The following TSHR variants were observed in gnomAD, a reference collection of about 807,000 sequenced individuals.
TSHR encodes the protein thyrotropin receptor.
A neutral mutation model predicts 64.1 loss-of-function variants in TSHR; 51 were observed. The ratio of observed to expected loss-of-function variants is 0.80; its 90% CI spans 0.64 to 1.01. The LOEUF is 1.01. TSHR is among the 50% of genes least tolerant of loss of function. The pLI, the probability that TSHR is intolerant of heterozygous loss-of-function variation, is 0.00. For synonymous variants in TSHR, 361 were observed against 361.9 expected (o/e 1.00, Z 0.03); for missense variants, 877 against 942.8 (o/e 0.93, Z 0.91).
chr14:81,113,484 G>A (rs999118739), intron 8 of TSHR, among the ~76,000 whole-genome samples: 3 of 152,126 alleles, frequency 2.0e-5, no homozygotes, highest in African/African-American at 7.2e-5. Context: ...GAATGTAGCT[G>A]GTGATGAGGG....
rs569401121 is a variant in TSHR, at chr14:81,059,420, G to A, written c.171-2728G>A. ...ACAAAATTTACACAAACTCAATTGT[G>A]TATTTTTTTAGATTATGCGCACATT... On this transcript the variant is annotated intron_variant, in intron 1 of 9. Coordinates refer to ENST00000298171, the MANE Select transcript of TSHR (RefSeq NM_000369.5). Among the ~76,000 whole-genome samples, 43 of 152,188 alleles carry A rather than the reference G, an allele frequency of 2.8e-4. No homozygotes were observed. The Middle Eastern group carries it at 0.017, about 60-fold the overall frequency.
intron 4 of TSHR, among the ~76,000 whole-genome samples, chr14:81,090,442 G>T (rs1336185550): frequency 6.6e-6 from 1 of 152,094 alleles, no homozygotes; most frequent in Admixed American, 6.6e-5. Context: ...ACAGGGTTTC[G>T]CCATGTTAGG....
At chr14:80,982,787 G>A in intron 1 of TSHR, 2 of 566,092 alleles carry the variant, frequency 3.5e-6, no homozygotes, top group East Asian at 3.3e-5. Flanking sequence ...GCCTGCCCTT[G>A]TAGGAACACT....
In TSHR at chr14:81,144,120, G is replaced by A. The variant is rs1891832775; in HGVS notation, c.2062G>A (p.Asp688Asn). The change falls in exon 10 of 10, where the codon GAT becomes AAT. Residue 688 changes from aspartate to asparagine, a missense_variant. Asp to Asn is a conservative substitution (Grantham distance 23). Transcript: ENST00000298171. Reference protein sequence around the residue: ...YAIFTKAFQRDVFILLSKFGI... With the variant: ...YAIFTKAFQRNVFILLSKFGI... Reference sequence around the variant, plus strand: ...TATTTTCACCAAGGCCTTCCAGAGGGATGTGTTCATCCTACTCAGCAAGTT... The same window carrying A: ...TATTTTCACCAAGGCCTTCCAGAGGAATGTGTTCATCCTACTCAGCAAGTT... The A allele has an allele frequency of 5.0e-6, 8 of 1,614,162 alleles. No individual in the cohort carries two copies. The highest frequency in any genetic ancestry group is 6.8e-6 in the Non-Finnish European group (8 of 1,180,038).
intron 1 of TSHR, among the ~76,000 whole-genome samples, chr14:80,974,506 G>C (rs965527590): frequency 5.3e-5 from 8 of 152,238 alleles, no homozygotes; most frequent in African/African-American, 1.9e-4. Context: ...TTAATGCTTG[G>C]TTGGCCTTAT....
intron 1 of TSHR, among the ~76,000 whole-genome samples, chr14:80,985,512 A>T (rs1316559832): frequency 6.6e-6 from 1 of 152,166 alleles, no homozygotes; most frequent in Non-Finnish European, 1.5e-5. Flanking sequence ...CTGCTGTGCC[A>T]ATCTACAAGA....
In TSHR at chr14:81,003,444, C is replaced by A. The variant is rs142508825; in HGVS notation, c.170+47594C>A. 2.7e-4 allele frequency: 50 copies of A among 186,238 alleles called. No individual in the cohort carries two copies. The East Asian group carries it at 6.3e-3, about 23-fold the overall frequency. 11.5% of individuals were successfully genotyped at this position (186,238 alleles called of 1,614,324 possible). On this transcript the variant is annotated intron_variant, in intron 1 of 9. Transcript: ENST00000298171. Reference sequence around the variant, plus strand: ...CCCCACCACTTGACCTGGGCACTACCAATTCCCCCATTGTAATGTCAGAAT... The same window carrying A: ...CCCCACCACTTGACCTGGGCACTACAAATTCCCCCATTGTAATGTCAGAAT...
chr14:81,074,974 G>C (rs1325736418), intron 3 of TSHR, among the ~76,000 whole-genome samples: 2 of 152,202 alleles, frequency 1.3e-5, no homozygotes, highest in African/African-American at 2.4e-5. Context: ...ATATGAATTA[G>C]AGTATTAGAA....
intron 1 of TSHR, among the ~76,000 whole-genome samples, chr14:81,008,361 A>G (rs1221744077): frequency 6.6e-6 from 1 of 151,844 alleles, no homozygotes; most frequent in Non-Finnish European, 1.5e-5. Flanking sequence ...TTTAGTAGAG[A>G]CGGAGTTTCA....
At chr14:81,102,934 T>A (rs1889679463) in intron 7 of TSHR, 5 of 985,366 alleles carry the variant, frequency 5.1e-6, no homozygotes, top group East Asian at 1.1e-4. Flanking sequence ...CAAATTTTTT[T>A]AATCAGTATT....
At position 81,145,048 on chromosome 14, in the gene TSHR, G is replaced by A. The variant is rs574424889; in HGVS notation, c.*695G>A. 65 of 233,232 alleles carry A rather than the reference G, an allele frequency of 2.8e-4. No homozygotes were observed. The highest frequency in any genetic ancestry group is 1.4e-3 in the African/African-American group (64 of 45,464). The allele number at this position is 233,232 out of a possible 1,614,324, so 14.4% of individuals were successfully genotyped here. On this transcript the variant is annotated 3_prime_UTR_variant, in exon 10 of 10. Coordinates refer to ENST00000298171, the MANE Select transcript of TSHR (RefSeq NM_000369.5). Reference sequence around the variant, plus strand: ...GCAAGATTTCAGCTTATGTGGCCTAGCAAACTAAGAATTGCTCTTCTTGGC... The same window carrying A: ...GCAAGATTTCAGCTTATGTGGCCTAACAAACTAAGAATTGCTCTTCTTGGC...
chr14:81,074,627 G>A (rs1887359941), intron 3 of TSHR, among the ~76,000 whole-genome samples: 1 of 152,176 alleles, frequency 6.6e-6, no homozygotes, highest in East Asian at 1.9e-4. Flanking sequence ...GCTCTTTATT[G>A]TGTTGGATTT....
chr14:81,002,434 A>G (rs1341995131), intron 1 of TSHR, among the ~76,000 whole-genome samples: 1 of 152,180 alleles, frequency 6.6e-6, no homozygotes, highest in Admixed American at 6.5e-5. Context: ...TAGGGATAAT[A>G]GTATTACCTA....
intron 1 of TSHR, among the ~76,000 whole-genome samples, chr14:81,006,022 G>T (rs1200108096): frequency 6.6e-6 from 1 of 152,084 alleles, no homozygotes; most frequent in African/African-American, 2.4e-5. Context: ...TGCCCACACA[G>T]TAAAAGGCAT....
chr14:81,139,973 G>A, intron 9 of TSHR, 106 bp downstream of exon 9: 1 of 1,412,050 alleles, frequency 7.1e-7, no homozygotes, highest in East Asian at 2.4e-5. Context: ...CAGGTGGAGA[G>A]GAAATTGGAA....
At chr14:80,989,700 G>A (rs1157421389) in intron 1 of TSHR, among the ~76,000 whole-genome samples, 1 of 152,044 alleles carries the variant, frequency 6.6e-6, no homozygotes, top group Admixed American at 6.6e-5. Flanking sequence ...TTGCATTTTA[G>A]TCTCACTTCT....
intron 7 of TSHR, chr14:81,104,776 G>A: frequency 2.0e-6 from 2 of 985,248 alleles, no homozygotes; most frequent in Non-Finnish European, 2.4e-6. Context: ...CTTAAATCAG[G>A]GCAGGGCTTC....
At chr14:81,015,071 T>C (rs1489028665) in intron 1 of TSHR, among the ~76,000 whole-genome samples, 2 of 152,200 alleles carry the variant, frequency 1.3e-5, no homozygotes, top group African/African-American at 4.8e-5. Flanking sequence ...ATTAGGATCA[T>C]GATCAGAGTT....
chr14:81,068,894 T>C (rs1886855436), intron 3 of TSHR, among the ~76,000 whole-genome samples: 1 of 152,214 alleles, frequency 6.6e-6, no homozygotes, highest in East Asian at 1.9e-4. Context: ...TTATCATAAA[T>C]ATGGAATTAT....
Sources: gnomAD v4.1 joint callset for allele counts (sites outside exome capture counted in the v4.1 genomes callset) on GRCh38, gnomAD v4.1.1 for gene constraint, MANE v1.5 for transcripts, NCBI Gene and HGNC (gene_info 2026-07-23, HGNC 2026-07-21) for gene names.